Variants in IL1RAPL1 observed in about 807,000 individuals in gnomAD.
The protein encoded by IL1RAPL1 is interleukin-1 receptor accessory protein-like 1.
In IL1RAPL1, 3 loss-of-function variants were observed where a neutral mutation model predicts 48.4. The observed-to-expected ratio is 0.06, with a 90% confidence interval of 0.03 to 0.16. The LOEUF is 0.16. Among genes scored for constraint, IL1RAPL1 ranks in the 10% least tolerant of loss-of-function variants. The pLI, the probability that IL1RAPL1 is intolerant of heterozygous loss-of-function variation, is 1.00. For synonymous variants in IL1RAPL1, 185 were observed against 187.7 expected (o/e 0.99, Z 0.12); for missense variants, 349 against 530.6 (o/e 0.66, Z 3.36).
chrX:29,846,800 A>ATATATGTATATATATG (rs1423874537), intron 6 of IL1RAPL1, among the ~76,000 whole-genome samples: 2 of 37,543 alleles, frequency 5.3e-5, no homozygotes, highest in Admixed American at 2.0e-4. Flanking sequence ...ATATATGTAT[A>ATATATGTATATATATG]TACACACACA....
chrX:29,480,448 T>A (rs774876023), intron 5 of IL1RAPL1, among the ~76,000 whole-genome samples: 2 of 109,111 alleles, frequency 1.8e-5, no homozygotes, highest in Non-Finnish European at 3.8e-5. Flanking sequence ...CTTCTATGCC[T>A]ATTCTTATTA....
chrX:28,785,903 G>C (rs760660493), intron 1 of IL1RAPL1, among the ~76,000 whole-genome samples: 16 of 111,788 alleles, frequency 1.4e-4, no homozygotes, highest in East Asian at 8.5e-4. Context: ...GCTCAATAAG[G>C]GTTTATCAAA....
At chrX:29,501,421 T>G (rs1935271962) in intron 5 of IL1RAPL1, among the ~76,000 whole-genome samples, 1 of 111,717 alleles carries the variant, frequency 9.0e-6, no homozygotes, top group Non-Finnish European at 1.9e-5. Context: ...GATTTTTTTT[T>G]CTAGTAGTTT....
At chrX:29,200,005 A>G (rs990198784) in intron 2 of IL1RAPL1, among the ~76,000 whole-genome samples, 1 of 111,602 alleles carries the variant, frequency 9.0e-6, no homozygotes, top group Non-Finnish European at 1.9e-5. Context: ...CATATTCATT[A>G]AGTACCTACT....
At chrX:28,878,322 A>G (rs1922423863) in intron 2 of IL1RAPL1, among the ~76,000 whole-genome samples, 1 of 111,711 alleles carries the variant, frequency 9.0e-6, no homozygotes, top group African/African-American at 3.3e-5. Flanking sequence ...CAAAGTTAGG[A>G]AGAACTAGGT....
At chrX:29,603,538 C>G (rs967516905) in intron 5 of IL1RAPL1, among the ~76,000 whole-genome samples, 1 of 111,505 alleles carries the variant, frequency 9.0e-6, no homozygotes, top group African/African-American at 3.3e-5. Context: ...ACAAGTCAAC[C>G]AGCTGATCTC....
intron 5 of IL1RAPL1, among the ~76,000 whole-genome samples, chrX:29,580,687 A>G (rs1008314726): frequency 3.6e-5 from 4 of 111,407 alleles, no homozygotes; most frequent in African/African-American, 6.5e-5. Context: ...TTCTCTTTAA[A>G]CCCATCATAG....
chrX:29,026,189 A>G (rs1166456521), intron 2 of IL1RAPL1, among the ~76,000 whole-genome samples: 1 of 111,721 alleles, frequency 9.0e-6, no homozygotes, highest in Non-Finnish European at 1.9e-5. Context: ...TTTGAAACCA[A>G]CTCTATAATG....
At chrX:29,429,074 C>G (rs1191195842) in intron 5 of IL1RAPL1, among the ~76,000 whole-genome samples, 1 of 112,263 alleles carries the variant, frequency 8.9e-6, no homozygotes, top group African/African-American at 3.2e-5. Flanking sequence ...AAGTGACTCC[C>G]CCTTTGTCCT....
At chrX:29,657,262 A>G (rs1925711408) in intron 5 of IL1RAPL1, among the ~76,000 whole-genome samples, 4 of 111,935 alleles carry the variant, frequency 3.6e-5, no homozygotes, top group Admixed American at 1.9e-4. Context: ...CACTATTAAC[A>G]TCTAGGGCCA....
At chrX:29,072,482 G>C (rs183851087) in intron 2 of IL1RAPL1, among the ~76,000 whole-genome samples, 2 of 111,419 alleles carry the variant, frequency 1.8e-5, no homozygotes, top group Admixed American at 1.9e-4. Flanking sequence ...AGTCACGTTG[G>C]TTTTAATATT....
chrX:29,422,054 T>A (rs1289221000), intron 5 of IL1RAPL1, among the ~76,000 whole-genome samples: 1 of 111,693 alleles, frequency 9.0e-6, no homozygotes, highest in Non-Finnish European at 1.9e-5. Context: ...GAAGCTTATA[T>A]GCCATCCTGG....
chrX:29,945,870 G>A (rs758038431), intron 9 of IL1RAPL1, among the ~76,000 whole-genome samples: 3 of 111,011 alleles, frequency 2.7e-5, no homozygotes, highest in East Asian at 5.7e-4. Flanking sequence ...CTCTCAGTTC[G>A]TTCACATCAC....
intron 2 of IL1RAPL1, among the ~76,000 whole-genome samples, chrX:29,210,656 C>T (rs1228653144): frequency 8.9e-6 from 1 of 111,741 alleles, no homozygotes; most frequent in Non-Finnish European, 1.9e-5. Flanking sequence ...GCCTGGCCCA[C>T]TCACTGTGTC....
At chrX:29,707,270 C>T (rs1215497439) in intron 6 of IL1RAPL1, among the ~76,000 whole-genome samples, 4 of 108,216 alleles carry the variant, frequency 3.7e-5, no homozygotes, top group African/African-American at 1.3e-4. Flanking sequence ...TGTTCATAAA[C>T]AAAAAAATAA....
intron 3 of IL1RAPL1, among the ~76,000 whole-genome samples, chrX:29,381,833 A>ATATATATATAT (rs1556002319): frequency 7.9e-5 from 2 of 25,387 alleles, no homozygotes; most frequent in African/African-American, 1.2e-4. Flanking sequence ...AAAAAAAAAA[A>ATATATATATAT]ATATATATAT....
rs1166480434 is a variant in IL1RAPL1 at position 29,332,653 on chromosome X, ATTTTT to A, written c.362+49445_362+49449del. ...ATTTATTTATTTATTTATTTATTTTATTTTTTTTTTTTTATTGATCATTCTTGGGT... is the reference window on the plus strand; with the variant it reads ...ATTTATTTATTTATTTATTTATTTTATTTTTTTTATTGATCATTCTTGGGT... On this transcript the variant is annotated intron_variant, in intron 3 of 10. Coordinates refer to ENST00000378993, the MANE Select transcript of IL1RAPL1 (RefSeq NM_014271.4). 1.7e-3 allele frequency among the ~76,000 whole-genome samples: 111 copies of A among 65,604 alleles called. 1 individual carries two copies. Among genetic ancestry groups the A allele is most frequent in the African/African-American group, 4.6e-3 (98 of 21,302 alleles). 57.0% of individuals were successfully genotyped at this position (65,604 alleles called of 115,157 possible).
At chrX:29,632,042 T>G (rs748701060) in intron 5 of IL1RAPL1, among the ~76,000 whole-genome samples, 1 of 111,865 alleles carries the variant, frequency 8.9e-6, no homozygotes, top group African/African-American at 3.2e-5. Flanking sequence ...CTGTGACTAA[T>G]TATATAGTTA....
At chrX:28,836,411 C>A (rs1921219315) in intron 2 of IL1RAPL1, among the ~76,000 whole-genome samples, 1 of 98,177 alleles carries the variant, frequency 1.0e-5, no homozygotes, top group African/African-American at 3.9e-5. Context: ...AGAGAGAGTC[C>A]ATATATAAAC....
Sources: gnomAD v4.1 joint callset for allele counts (sites outside exome capture counted in the v4.1 genomes callset) on GRCh38, gnomAD v4.1.1 for gene constraint, MANE v1.5 for transcripts, NCBI Gene and HGNC (gene_info 2026-07-23, HGNC 2026-07-21) for gene names.